ITM2B: variants seen among roughly 807,000 people sequenced by gnomAD.
The protein encoded by ITM2B is ABri/ADan amyloid peptide.
ITM2B carries 11 observed loss-of-function variants against 27.8 expected under a neutral mutation model. The observed-to-expected ratio is 0.40, with a 90% CI of 0.25 to 0.66. The LOEUF (loss-of-function observed/expected upper bound fraction) is 0.66, where lower values mean the gene tolerates loss of function less well. Among genes scored for constraint, ITM2B ranks in the 30% least tolerant of loss-of-function variants. The pLI, the probability that ITM2B is intolerant of heterozygous loss-of-function variation, is 0.43. For missense variants in ITM2B, 296 were observed against 328.9 expected (o/e 0.90, Z 0.77); for synonymous variants, 114 against 114.3 (o/e 1.00, Z 0.02).
rs193255785 is a variant in ITM2B, at chr13:48,263,113, C to T, written c.*1889C>T. 1 of 152,268 alleles carries T rather than the reference C, an allele frequency of 6.6e-6. No homozygotes were observed. Among genetic ancestry groups the T allele is most frequent in the Admixed American group, 6.5e-5 (1 of 15,286 alleles). 9.4% of individuals were successfully genotyped at this position (152,268 alleles called of 1,614,324 possible). The stretch of plus-strand genomic sequence containing the variant: ...CCAGACTCCCAGGGACCCAAACTTA[C>T]ACTTTACTAAATGTAATTCTTTCAT... On this transcript the variant is annotated 3_prime_UTR_variant, in exon 6 of 6. Coordinates refer to ENST00000647800, the MANE Select transcript of ITM2B (RefSeq NM_021999.5).
In ITM2B at chr13:48,262,076, A is replaced by G. The variant is rs1006561805; in HGVS notation, c.*852A>G. On this transcript the variant is annotated 3_prime_UTR_variant, in exon 6 of 6. Transcript: ENST00000647800. ...GATTCTTTGTGGATACTATTAAAGT[A>G]ACATTTAAGCCTCAACCTTGAATGA... 2.6e-5 allele frequency: 4 copies of G among 152,172 alleles called. No individual in the cohort carries two copies. The highest frequency in any genetic ancestry group is 5.9e-5 in the Non-Finnish European group (4 of 67,996). The allele number at this position is 152,172 out of a possible 1,614,324, so 9.4% of individuals were successfully genotyped here.
rs968253455 is a variant in ITM2B at position 48,263,638 on chromosome 13, A to G, written c.*2414A>G. 2 of 152,242 alleles carry G rather than the reference A, an allele frequency of 1.3e-5. No homozygotes were observed. Among genetic ancestry groups the G allele is most frequent in the Non-Finnish European group, 2.9e-5 (2 of 68,082 alleles). 9.4% of individuals were successfully genotyped at this position (152,242 alleles called of 1,614,324 possible). ...CATAGACTGAGTGGCTTTAAACAACAGAAGCTTGTTTCTCACAGTTCCAGA... is the reference window on the plus strand; with the variant it reads ...CATAGACTGAGTGGCTTTAAACAACGGAAGCTTGTTTCTCACAGTTCCAGA... On this transcript the variant is annotated 3_prime_UTR_variant, in exon 6 of 6. Coordinates refer to ENST00000647800, the MANE Select transcript of ITM2B (RefSeq NM_021999.5).
In ITM2B at chr13:48,263,634, C is replaced by T. The variant is rs2137999816; in HGVS notation, c.*2410C>T. The T allele has an allele frequency of 6.6e-6, 1 of 152,328 alleles. No homozygotes were observed. The highest frequency in any genetic ancestry group is 2.4e-5 in the African/African-American group (1 of 41,562). The allele number at this position is 152,328 out of a possible 1,614,324, so 9.4% of individuals were successfully genotyped here. On this transcript the variant is annotated 3_prime_UTR_variant, in exon 6 of 6. Transcript: ENST00000647800. ...ATACCATAGACTGAGTGGCTTTAAA[C>T]AACAGAAGCTTGTTTCTCACAGTTC... is the stretch of plus-strand genomic sequence containing the variant.
At position 48,269,043 on chromosome 13, in the gene ITM2B, C is replaced by A. The variant is rs1306956767; in HGVS notation, c.*7819C>A. 6.6e-6 allele frequency: 1 copy of A among 152,126 alleles called. No homozygotes were observed. Among genetic ancestry groups the A allele is most frequent in the Non-Finnish European group, 1.5e-5 (1 of 68,008 alleles). 9.4% of individuals were successfully genotyped at this position (152,126 alleles called of 1,614,324 possible). A position where few individuals can be genotyped will look rare whatever the true frequency, so the allele number is the denominator to read the frequency against. ...ATACGTTGCTGTCTTTTCCAAATTC[C>A]CATTTTGCTTGTCCAATAGGCATTA... On this transcript the variant is annotated 3_prime_UTR_variant, in exon 6 of 6. Coordinates refer to ENST00000647800, the MANE Select transcript of ITM2B (RefSeq NM_021999.5).
chr13:48,267,621 T>C lies in ITM2B; in HGVS notation c.*6397T>C, dbSNP rs907392472. 9.9e-5 allele frequency: 15 copies of C among 152,236 alleles called. No homozygotes were observed. Among genetic ancestry groups the C allele is most frequent in the Admixed American group, 9.8e-4 (15 of 15,286 alleles). 9.4% of individuals were successfully genotyped at this position (152,236 alleles called of 1,614,324 possible). On this transcript the variant is annotated 3_prime_UTR_variant, in exon 6 of 6. Coordinates refer to ENST00000647800, the MANE Select transcript of ITM2B (RefSeq NM_021999.5). ...TAGAAATAAAAATGAGCCAGAAATGTTTCTTCAGCTTTTGTAAAGTGCTGT... is the reference window on the plus strand; with the variant it reads ...TAGAAATAAAAATGAGCCAGAAATGCTTCTTCAGCTTTTGTAAAGTGCTGT...
chr13:48,259,872 T>G (rs1951811829), intron 5 of ITM2B, among the ~76,000 whole-genome samples: 1 of 152,092 alleles, frequency 6.6e-6, no homozygotes, highest in South Asian at 2.1e-4. Flanking sequence ...TATTATACTT[T>G]AAGTTCTGAG....
At chr13:48,257,915 G>T (rs940870638) in intron 3 of ITM2B, among the ~76,000 whole-genome samples, 1 of 152,054 alleles carries the variant, frequency 6.6e-6, no homozygotes, top group Non-Finnish European at 1.5e-5. Context: ...ATATACCCTC[G>T]ATGAGCATTT....
intron 1 of ITM2B, among the ~76,000 whole-genome samples, chr13:48,238,549 G>A (rs1951681774): frequency 6.6e-6 from 1 of 152,210 alleles, no homozygotes; most frequent in Non-Finnish European, 1.5e-5. Context: ...GTACTGATAA[G>A]TTACCAGCAA....
At position 48,258,796 on chromosome 13, in the gene ITM2B, GGCTGGAACCTATTT is replaced by G. The variant is rs778253495; in HGVS notation, c.567_580del (p.Gly190SerfsTer7). The G allele has an allele frequency of 1.9e-6, 3 of 1,613,302 alleles. No homozygotes were observed. Among genetic ancestry groups the G allele is most frequent in the Non-Finnish European group, 8.5e-7 (1 of 1,179,348 alleles). Reference sequence around the variant, plus strand: ...TGTCATGTATTCTTTTCTGAATGTAGGCTGGAACCTATTTGCCTCAGTCCTATCTGATTCATGAG... The same window carrying G: ...TGTCATGTATTCTTTTCTGAATGTAGGCCTCAGTCCTATCTGATTCATGAG... On this transcript the variant is annotated frameshift_variant and splice_region_variant, in exon 5 of 6. Coordinates refer to ENST00000647800, the MANE Select transcript of ITM2B (RefSeq NM_021999.5). LOFTEE classifies it high-confidence loss of function.
In ITM2B at chr13:48,267,179, C is replaced by T. The variant is rs1285225677; in HGVS notation, c.*5955C>T. ...GCATGAAAGGAGAGAGAAGAGCTTT[C>T]AGAATGTCAGGGATAAATATATCCA... On this transcript the variant is annotated 3_prime_UTR_variant, in exon 6 of 6. Transcript: ENST00000647800. The T allele has an allele frequency of 6.6e-6, 1 of 152,154 alleles. No individual in the cohort carries two copies. The highest frequency in any genetic ancestry group is 1.5e-5 in the Non-Finnish European group (1 of 68,042). The allele number at this position is 152,154 out of a possible 1,614,324, so 9.4% of individuals were successfully genotyped here.
intron 2 of ITM2B, among the ~76,000 whole-genome samples, chr13:48,255,250 TGTGTGC>T (rs1490209864): frequency 7.7e-6 from 1 of 129,206 alleles, no homozygotes; most frequent in African/African-American, 3.2e-5. Flanking sequence ...TGTGTGTGTG[TGTGTGC>T]GCGCGCGTGT....
In ITM2B at chr13:48,264,368, ATGT is replaced by A. The variant is rs1382026340; in HGVS notation, c.*3149_*3151del. 2.6e-5 allele frequency: 4 copies of A among 152,268 alleles called. No homozygotes were observed. The South Asian group carries it at 8.3e-4, about 32-fold the overall frequency. 9.4% of individuals were successfully genotyped at this position (152,268 alleles called of 1,614,324 possible). On this transcript the variant is annotated 3_prime_UTR_variant, in exon 6 of 6. Coordinates refer to ENST00000647800, the MANE Select transcript of ITM2B (RefSeq NM_021999.5). Reference sequence around the variant, plus strand: ...AAAAAAAATGTACACAGTGTCCTAAATGTTGTTTATCTCGAATAATAGAAGTAG... The same window carrying A: ...AAAAAAAATGTACACAGTGTCCTAAATGTTTATCTCGAATAATAGAAGTAG...
At position 48,256,296 on chromosome 13, in the gene ITM2B, TGAAGAA is replaced by T. The variant is rs751018650; in HGVS notation, c.374_379del (p.Glu125_Glu126del). ...CAATTGAAGAAAATATTAAAATCTTTGAAGAAGAAGAAGTTGAATTTATCAGTGTGC... is the reference window on the plus strand; with the variant it reads ...CAATTGAAGAAAATATTAAAATCTTTGAAGAAGTTGAATTTATCAGTGTGC... On this transcript the variant is annotated inframe_deletion, in exon 3 of 6. Transcript: ENST00000647800. 20 of 1,613,832 alleles carry T rather than the reference TGAAGAA, an allele frequency of 1.2e-5. No individual in the cohort carries two copies. The highest frequency in any genetic ancestry group is 6.6e-5 in the South Asian group (6 of 91,078).
At chr13:48,243,721 G>T (rs1434443368) in intron 1 of ITM2B, among the ~76,000 whole-genome samples, 1 of 152,020 alleles carries the variant, frequency 6.6e-6, no homozygotes, top group Non-Finnish European at 1.5e-5. Flanking sequence ...GGAGGCTGAG[G>T]TAGGAGGATC....
chr13:48,253,730 A>T, intron 1 of ITM2B, 78 bp from the exon 2 acceptor site: 1 of 1,385,198 alleles, frequency 7.2e-7, no homozygotes, highest in Non-Finnish European at 1.0e-6. Flanking sequence ...AATGATAATC[A>T]TTAAGGTTTT....
intron 2 of ITM2B, among the ~76,000 whole-genome samples, chr13:48,255,639 T>C (rs951304255): frequency 6.6e-6 from 1 of 152,154 alleles, no homozygotes; most frequent in Non-Finnish European, 1.5e-5. Context: ...AGTGAGACAG[T>C]AGCATAAAGA....
At position 48,253,675 on chromosome 13, in the gene ITM2B, G is replaced by A. The variant is rs866835946; in HGVS notation, c.118-133G>A. 32 of 903,028 alleles carry A rather than the reference G, an allele frequency of 3.5e-5. 1 individual carries two copies. In the South Asian group the frequency reaches 3.6e-4, roughly 10 times the overall value. 55.9% of individuals were successfully genotyped at this position (903,028 alleles called of 1,614,324 possible). Reference sequence around the variant, plus strand: ...ACTTAATCATTCCTGGGTTGATTTTGATGAGAGACACAACTCCTTTGGTCT... The same window carrying A: ...ACTTAATCATTCCTGGGTTGATTTTAATGAGAGACACAACTCCTTTGGTCT... On this transcript the variant is annotated intron_variant, in intron 1 of 5. Coordinates refer to ENST00000647800, the MANE Select transcript of ITM2B (RefSeq NM_021999.5).
At chr13:48,256,425 G>A (rs1193394750) in intron 3 of ITM2B, 42 bp downstream of exon 3, 12 of 1,390,632 alleles carry the variant, frequency 8.6e-6, no homozygotes, top group East Asian at 2.3e-5. Context: ...TGCAGGTTCT[G>A]TAGTTTATGC....
chr13:48,242,634 G>A (rs1951705995), intron 1 of ITM2B, among the ~76,000 whole-genome samples: 1 of 151,958 alleles, frequency 6.6e-6, no homozygotes, highest in Admixed American at 6.6e-5. Flanking sequence ...TAATTTATCT[G>A]GGTGTAAAAT....
Sources: allele counts gnomAD v4.1 joint callset (sites outside exome capture counted in the v4.1 genomes callset), GRCh38; gene constraint gnomAD v4.1.1; transcripts MANE v1.5; gene names NCBI Gene and HGNC (gene_info 2026-07-23, HGNC 2026-07-21).